GINS4: variants seen among roughly 807,000 people sequenced by gnomAD.
GINS4 encodes GINS complex subunit 4, also known as DNA replication complex GINS protein SLD5.
Under a neutral mutation model 31.1 loss-of-function variants are expected in GINS4, and 20 were observed. The observed-to-expected ratio is 0.64, with a 90% CI of 0.45 to 0.93. GINS4 has a LOEUF of 0.93. GINS4 is among the 40% of genes least tolerant of loss of function. GINS4 has a pLI of 0.00. For missense variants in GINS4, 245 were observed against 273.9 expected (o/e 0.89, Z 0.75); for synonymous variants, 85 against 97.9 (o/e 0.87, Z 0.78).
At chr8:41,530,363 T>A (rs1187496995) in intron 2 of GINS4, 65 bp downstream of exon 2, 7 of 1,154,524 alleles carry the variant, frequency 6.1e-6, no homozygotes, top group Non-Finnish European at 8.9e-6. Flanking sequence ...ACTGTGAATA[T>A]CAGGGATCAC....
chr8:41,542,377 G>C lies in GINS4; in HGVS notation c.*290G>C, dbSNP rs201745328. The C allele has an allele frequency of 1.4e-5, 4 of 280,508 alleles. No individual in the cohort carries two copies. In the East Asian group the frequency reaches 2.1e-4, roughly 15 times the overall value. 17.4% of individuals were successfully genotyped at this position (280,508 alleles called of 1,614,324 possible). ...CCAGCCTGGGTGACAGTGAGACTTTGTCTCAAAAAAAAAAACAAAAAACAA... is the reference window on the plus strand; with the variant it reads ...CCAGCCTGGGTGACAGTGAGACTTTCTCTCAAAAAAAAAAACAAAAAACAA... On this transcript the variant is annotated 3_prime_UTR_variant, in exon 8 of 8. Coordinates refer to ENST00000276533, the MANE Select transcript of GINS4 (RefSeq NM_032336.3).
chr8:41,543,279 G>A lies in GINS4; in HGVS notation c.*1192G>A, dbSNP rs1025610412. 1 of 152,202 alleles carries A rather than the reference G, an allele frequency of 6.6e-6. No individual in the cohort carries two copies. Among genetic ancestry groups the A allele is most frequent in the Non-Finnish European group, 1.5e-5 (1 of 68,034 alleles). The allele number at this position is 152,202 out of a possible 1,614,324, so 9.4% of individuals were successfully genotyped here. On this transcript the variant is annotated 3_prime_UTR_variant, in exon 8 of 8. Transcript: ENST00000276533. ...ACCTCTGGACGGCTCCCGGCTTGTA[G>A]TTTAATGAAGTATGTGCTCCCTGCT...
intron 6 of GINS4, among the ~76,000 whole-genome samples, 181 bp downstream of exon 6, chr8:41,540,185 T>A (rs1806813158): frequency 6.6e-6 from 1 of 152,208 alleles, no homozygotes; most frequent in African/African-American, 2.4e-5. Flanking sequence ...TGGTAGGCAT[T>A]TGAGCATTGC....
chr8:41,530,289 A>G lies in GINS4; in HGVS notation c.87A>G (p.Arg29=), dbSNP rs773588906. The change falls in exon 2 of 8, where the codon AGA becomes AGG. Residue 29 remains arginine (R), a synonymous_variant. Transcript: ENST00000276533. Reference sequence around the variant, plus strand: ...TAACTCCTGCAGAGCTCATTGAAAGATTGGAGCAGGTAAGCATCCCAGATC... The same window carrying G: ...TAACTCCTGCAGAGCTCATTGAAAGGTTGGAGCAGGTAAGCATCCCAGATC... ...VVLTPAELIE[R]LEQAWMNEKF... 1 of 1,612,466 alleles carries G rather than the reference A, an allele frequency of 6.2e-7. No individual in the cohort carries two copies. The highest frequency in any genetic ancestry group is 8.5e-7 in the Non-Finnish European group (1 of 1,178,708).
At chr8:41,531,631 G>A (rs1170600099) in intron 2 of GINS4, among the ~76,000 whole-genome samples, 2 of 152,188 alleles carry the variant, frequency 1.3e-5, no homozygotes, top group Non-Finnish European at 2.9e-5. Context: ...GAAACTGGTA[G>A]AAACTGTGGT....
chr8:41,541,788 A>G, intron 6 of GINS4, 21 bp from the exon 7 acceptor site: 1 of 1,594,690 alleles, frequency 6.3e-7, no homozygotes, highest in Non-Finnish European at 8.6e-7. Flanking sequence ...TTTCCTAATC[A>G]CATTGTTGTT....
chr8:41,538,264 G>T (rs1387653528), intron 4 of GINS4, among the ~76,000 whole-genome samples: 2 of 152,090 alleles, frequency 1.3e-5, no homozygotes, highest in Non-Finnish European at 2.9e-5. Context: ...CTCTAAAAGG[G>T]TTCTTGTTTG....
At position 41,542,155 on chromosome 8, in the gene GINS4, G is replaced by A. The variant is rs1049796376; in HGVS notation, c.*68G>A. ...TCCCAGCACTTTGGGAGGCCGAGGC[G>A]GGCGGATCATGAGGTCAGGAGTTCG... On this transcript the variant is annotated 3_prime_UTR_variant, in exon 8 of 8. Coordinates refer to ENST00000276533, the MANE Select transcript of GINS4 (RefSeq NM_032336.3). 2.4e-5 allele frequency: 29 copies of A among 1,213,050 alleles called. No homozygotes were observed. The highest frequency in any genetic ancestry group is 3.4e-5 in the Admixed American group (2 of 59,242). The allele number at this position is 1,213,050 out of a possible 1,614,324, so 75.1% of individuals were successfully genotyped here. A position where few individuals can be genotyped will look rare whatever the true frequency, so the allele number is the denominator to read the frequency against.
At chr8:41,539,512 G>T (rs1313126520) in intron 4 of GINS4, among the ~76,000 whole-genome samples, 166 bp from the exon 5 acceptor site, 3 of 152,138 alleles carry the variant, frequency 2.0e-5, no homozygotes, top group Admixed American at 6.5e-5. Context: ...GGGTGTCTCA[G>T]AGACGTTGTC....
At chr8:41,536,996 T>G in intron 3 of GINS4, 184 bp from the exon 4 acceptor site, 1 of 552,712 alleles carries the variant, frequency 1.8e-6, no homozygotes, top group Non-Finnish European at 3.3e-6. Flanking sequence ...CTGAACAGAT[T>G]CTATTCAAAT....
rs1312728724 is a variant in GINS4, at chr8:41,545,006, A to G, written c.*2919A>G. 1 of 152,258 alleles carries G rather than the reference A, an allele frequency of 6.6e-6. No homozygotes were observed. The highest frequency in any genetic ancestry group is 1.9e-4 in the East Asian group (1 of 5,206). 9.4% of individuals were successfully genotyped at this position (152,258 alleles called of 1,614,324 possible). A position where few individuals can be genotyped will look rare whatever the true frequency, so the allele number is the denominator to read the frequency against. On this transcript the variant is annotated 3_prime_UTR_variant, in exon 8 of 8. Coordinates refer to ENST00000276533, the MANE Select transcript of GINS4 (RefSeq NM_032336.3). ...AGACTGGTTTTGATGTCATTTTTAAATAAAGGAGAAGTTGAATTTCAAAAC... is the reference window on the plus strand; with the variant it reads ...AGACTGGTTTTGATGTCATTTTTAAGTAAAGGAGAAGTTGAATTTCAAAAC...
At chr8:41,535,961 A>G (rs1806734024) in intron 2 of GINS4, among the ~76,000 whole-genome samples, 1 of 152,212 alleles carries the variant, frequency 6.6e-6, no homozygotes, top group African/African-American at 2.4e-5. Context: ...AGGAATGAAG[A>G]GCTGTGTGGA....
In GINS4 at chr8:41,538,819, C is replaced by G. The variant is rs144915368; in HGVS notation, c.298-859C>G. On this transcript the variant is annotated intron_variant, in intron 4 of 7. Transcript: ENST00000276533. ...CCCCAGGTTGACGTGATTCTGTTGC[C>G]TCAGCCTTCCAAGTAGCTGGGATTA... Among the ~76,000 whole-genome samples the G allele has an allele frequency of 4.2e-4, 64 of 152,098 alleles. 1 individual carries two copies. In the East Asian group the frequency reaches 0.012, roughly 29 times the overall value.
chr8:41,532,998 A>G (rs1486159753), intron 2 of GINS4, among the ~76,000 whole-genome samples: 2 of 152,142 alleles, frequency 1.3e-5, no homozygotes, highest in African/African-American at 4.8e-5. Flanking sequence ...ACCTAGTGAA[A>G]ACTTCCGCAT....
At chr8:41,540,867 G>A (rs1806828364) in intron 6 of GINS4, among the ~76,000 whole-genome samples, 1 of 152,182 alleles carries the variant, frequency 6.6e-6, no homozygotes, top group Non-Finnish European at 1.5e-5. Flanking sequence ...CACAGTTATG[G>A]AGACTGGGAA....
At chr8:41,537,563 T>C (rs1269030632) in intron 4 of GINS4, 5 of 366,564 alleles carry the variant, frequency 1.4e-5, no homozygotes, top group Middle Eastern at 7.4e-4. Context: ...CGTTACAGCA[T>C]GGCAGTGCTA....
Position 41,542,044 on chromosome 8 carries a change from C to T in GINS4, c.629C>T (p.Thr210Ile). 1 of 1,614,166 alleles carries T rather than the reference C, an allele frequency of 6.2e-7. No homozygotes were observed. Among genetic ancestry groups the T allele is most frequent in the Non-Finnish European group, 8.5e-7 (1 of 1,180,016 alleles). ...TCACAGCACTTGATCCGATACAAAA[C>T]CATTGCACCTCTGGTTGCATCTGGA... ...KGSQHLIRYKTIAPLVASGAV... is the reference protein window; with the variant it reads ...KGSQHLIRYKIIAPLVASGAV... Residue 210 changes from threonine to isoleucine, a missense_variant, in exon 8 of 8, where the codon ACC (threonine) becomes ATC (isoleucine). Thr to Ile is a moderately conservative substitution (Grantham distance 89). Transcript: ENST00000276533.
intron 2 of GINS4, among the ~76,000 whole-genome samples, chr8:41,533,368 GTTAC>G (rs1304410822): frequency 2.0e-5 from 3 of 152,238 alleles, no homozygotes; most frequent in Non-Finnish European, 4.4e-5. Flanking sequence ...CCCCAGGCTG[GTTAC>G]TTTTTCAAGT....
chr8:41,540,088 A>T (rs1010624140), intron 6 of GINS4, 84 bp downstream of exon 6: 14 of 990,682 alleles, frequency 1.4e-5, no homozygotes, highest in Non-Finnish European at 1.9e-5. Context: ...TTTTTACCCA[A>T]ATACAAAAAA....
Sources: gnomAD v4.1 joint callset for allele counts (sites outside exome capture counted in the v4.1 genomes callset) on GRCh38, gnomAD v4.1.1 for gene constraint, MANE v1.5 for transcripts, NCBI Gene and HGNC (gene_info 2026-07-23, HGNC 2026-07-21) for gene names.